Variants in TULP4 observed in about 807,000 individuals in gnomAD.
TULP4 encodes the protein TUB like protein 4.
TULP4 carries 16 observed loss-of-function variants against 129.0 expected under a neutral mutation model. That is an observed-to-expected ratio of 0.12 (90% CI 0.08 to 0.19). The LOEUF (loss-of-function observed/expected upper bound fraction) is 0.19. Ranked by LOEUF, TULP4 falls within the 10% of genes least tolerant of loss-of-function variation. TULP4 has a pLI of 1.00. For missense variants in TULP4, 1,842 were observed against 2,059.1 expected (o/e 0.89, Z 2.04); for synonymous variants, 998 against 854.0 (o/e 1.17, Z -2.94).
At chr6:158,275,574 C>T (rs983771169) in intron 1 of TULP4, among the ~76,000 whole-genome samples, 12 of 152,204 alleles carry the variant, frequency 7.9e-5, no homozygotes, top group Admixed American at 2.0e-4. Context: ...CCCACGGCAG[C>T]GCTTTGTCAC....
intron 6 of TULP4, 62 bp downstream of exon 6, chr6:158,461,791 AATT>A: frequency 6.6e-7 from 1 of 1,513,538 alleles, no homozygotes; most frequent in Non-Finnish European, 8.9e-7. Flanking sequence ...AGGTTATTAT[AATT>A]ATTGTTGACA....
chr6:158,413,057 T>A lies in TULP4; in HGVS notation c.253-8T>A. On this transcript the variant is annotated splice_region_variant and splice_polypyrimidine_tract_variant and intron_variant, in intron 1 of 13. Transcript: ENST00000367097. The surrounding 1 kb of genome is among the most constrained non-coding windows in gnomAD (Gnocchi z 4.9). ...CCTGTGGTAAATGTCTTCTTGGTGG[T>A]TTTCTAGGTTGTGCTGGTGAGGTGG... 1 of 1,604,232 alleles carries A rather than the reference T, an allele frequency of 6.2e-7. No individual in the cohort carries two copies. The highest frequency in any genetic ancestry group is 8.5e-7 in the Non-Finnish European group (1 of 1,174,578).
chr6:158,452,045 C>T, intron 4 of TULP4, 89 bp from the exon 5 acceptor site: 2 of 1,563,488 alleles, frequency 1.3e-6, no homozygotes, highest in Non-Finnish European at 1.7e-6. Context: ...CAGGCAATTT[C>T]TAAGGCACCA....
rs1412412780 is a variant in TULP4 at position 158,491,929 on chromosome 6, GC to G, written c.1632-1643del. On this transcript the variant is annotated intron_variant, in intron 9 of 13. Coordinates refer to ENST00000367097, the MANE Select transcript of TULP4 (RefSeq NM_020245.5). ...GCTGGAGTGCAGTGGCGTGATCTTG[GC>G]TCACTGCAACCTTCACCTCCTGGGT... Among the ~76,000 whole-genome samples, 449 of 151,956 alleles carry G rather than the reference GC, an allele frequency of 3.0e-3. 3 individuals carry two copies. Among genetic ancestry groups the G allele is most frequent in the African/African-American group, 1.0e-2 (414 of 41,416 alleles).
intron 2 of TULP4, among the ~76,000 whole-genome samples, chr6:158,425,410 G>A (rs888941155): frequency 6.6e-6 from 1 of 150,822 alleles, no homozygotes; most frequent in African/African-American, 2.4e-5. Flanking sequence ...CTACTCGGGA[G>A]GCTGCAGCCG....
intron 2 of TULP4, among the ~76,000 whole-genome samples, chr6:158,420,414 G>T (rs879938296): frequency 6.6e-6 from 1 of 152,154 alleles, no homozygotes; most frequent in Non-Finnish European, 1.5e-5. Flanking sequence ...TATAGACCAC[G>T]ATCTCTGAAC....
rs868802633 is a variant in TULP4, at chr6:158,236,807, T to C, written n.68+4504T>C. 5.5e-4 allele frequency among the ~76,000 whole-genome samples: 33 copies of C among 60,246 alleles called. 2 individuals are homozygous for C. Among genetic ancestry groups the C allele is most frequent in the African/African-American group, 1.0e-3 (20 of 19,654 alleles). The allele number at this position is 60,246 out of a possible 152,430, so 39.5% of individuals were successfully genotyped here. Reference sequence around the variant, plus strand: ...GCCCAATTCTTTTCTTTTTTTTTTTTTTTTTTTTTTTTTTTTTTTTTTTTG... The same window carrying C: ...GCCCAATTCTTTTCTTTTTTTTTTTCTTTTTTTTTTTTTTTTTTTTTTTTG... On this transcript the variant is annotated intron_variant and non_coding_transcript_variant, in intron 1 of 1. Transcript: ENST00000620026.
rs1780632483 is a variant in TULP4, at chr6:158,507,476, T to A, written c.*782T>A. ...TGTCTACATTGAAAGCCTCCACTAGTTTCATCGTTTGTCAAAGTTCCGTAG... is the reference window on the plus strand; with the variant it reads ...TGTCTACATTGAAAGCCTCCACTAGATTCATCGTTTGTCAAAGTTCCGTAG... On this transcript the variant is annotated 3_prime_UTR_variant, in exon 14 of 14. Coordinates refer to ENST00000367097, the MANE Select transcript of TULP4 (RefSeq NM_020245.5). 1 of 152,220 alleles carries A rather than the reference T, an allele frequency of 6.6e-6. No homozygotes were observed. The highest frequency in any genetic ancestry group is 1.5e-5 in the Non-Finnish European group (1 of 68,048). 9.4% of individuals were successfully genotyped at this position (152,220 alleles called of 1,614,324 possible).
chr6:158,316,563 C>T (rs1779496942), intron 1 of TULP4, among the ~76,000 whole-genome samples: 1 of 152,164 alleles, frequency 6.6e-6, no homozygotes, highest in Admixed American at 6.5e-5. Context: ...CATTTCCCCC[C>T]CTCAACACAC....
intron 6 of TULP4, among the ~76,000 whole-genome samples, chr6:158,463,407 G>A (rs149664635): frequency 2.6e-5 from 4 of 151,900 alleles, no homozygotes; most frequent in African/African-American, 7.3e-5. Flanking sequence ...CGTAATAGAC[G>A]TATGCCTGGG....
At chr6:158,483,590 G>A (rs1475946530) in intron 8 of TULP4, among the ~76,000 whole-genome samples, 2 of 152,158 alleles carry the variant, frequency 1.3e-5, no homozygotes, top group Admixed American at 6.5e-5. Flanking sequence ...CTCCCAAAGT[G>A]CTAGGAACCA....
At chr6:158,281,491 C>G (rs900561318), upstream of TULP4, among the ~76,000 whole-genome samples, 1 of 152,112 alleles carries the variant, frequency 6.6e-6, no homozygotes, top group Non-Finnish European at 1.5e-5. Flanking sequence ...TGAGGCATTT[C>G]CATTCCGGTT....
chr6:158,293,581 A>G (rs1165447554), intron 1 of TULP4, among the ~76,000 whole-genome samples: 1 of 152,190 alleles, frequency 6.6e-6, no homozygotes, highest in Non-Finnish European at 1.5e-5. Flanking sequence ...GAGTCTGCTT[A>G]TGTGCTCAGT....
Position 158,503,362 on chromosome 6 carries a change from C to T in TULP4, c.3699C>T (p.Pro1233=). Reference sequence around the variant, plus strand: ...TGGTCCTTCAGCCGCTGTACCCACCCAGCCTCTCCTATTGCACCCTGCCCC... The same window carrying T: ...TGGTCCTTCAGCCGCTGTACCCACCTAGCCTCTCCTATTGCACCCTGCCCC... ...PAVVLQPLYP[P]SLSYCTLPPM... Residue 1233 remains proline (P), a synonymous_variant, in exon 13 of 14, where the codon CCC becomes CCT. Transcript: ENST00000367097. This position sits in a 1 kb window ranked among gnomAD's most constrained non-coding sequence, Gnocchi z 4.3. 1 of 1,613,888 alleles carries T rather than the reference C, an allele frequency of 6.2e-7. No homozygotes were observed. Among genetic ancestry groups the T allele is most frequent in the Non-Finnish European group, 8.5e-7 (1 of 1,180,022 alleles).
intron 1 of TULP4, among the ~76,000 whole-genome samples, chr6:158,374,249 C>T (rs867566775): frequency 5.3e-5 from 8 of 150,802 alleles, no homozygotes; most frequent in Non-Finnish European, 7.4e-5. Context: ...ATTGCGCCAC[C>T]GCATTCCAGC....
At chr6:158,256,733 G>C (rs957455902) in intron 1 of TULP4, among the ~76,000 whole-genome samples, 2 of 152,200 alleles carry the variant, frequency 1.3e-5, no homozygotes, top group Non-Finnish European at 2.9e-5. Flanking sequence ...AAAAGCTACA[G>C]TATTCTTGTA....
Position 158,477,653 on chromosome 6 carries a change from T to C in TULP4, c.1027-2098T>C, listed in dbSNP as rs113741679. On this transcript the variant is annotated intron_variant, in intron 6 of 13. Transcript: ENST00000367097. ...GGTTGCAGAGAAAAGGAAACGCTTCTACACTGCTAGTGGGAGTGTAAATTA... is the reference window on the plus strand; with the variant it reads ...GGTTGCAGAGAAAAGGAAACGCTTCCACACTGCTAGTGGGAGTGTAAATTA... 5.2e-3 allele frequency among the ~76,000 whole-genome samples: 797 copies of C among 152,358 alleles called. 11 individuals are homozygous for C. The highest frequency in any genetic ancestry group is 0.018 in the African/African-American group (760 of 41,596).
rs575291757 is a variant in TULP4 at position 158,336,567 on chromosome 6, T to A, written c.252+22299T>A. ...TTAGAAAAAGACTCAGAAAAAAGAA[T>A]ACTATTGGTAAGAAAATCAACATGT... On this transcript the variant is annotated intron_variant, in intron 1 of 13. Transcript: ENST00000367097. Among the ~76,000 whole-genome samples, 16 of 152,320 alleles carry A rather than the reference T, an allele frequency of 1.1e-4. No homozygotes were observed. The East Asian group carries it at 2.9e-3, about 28-fold the overall frequency.
At chr6:158,376,030 A>G (rs1209551190) in intron 1 of TULP4, among the ~76,000 whole-genome samples, 1 of 152,180 alleles carries the variant, frequency 6.6e-6, no homozygotes, top group African/African-American at 2.4e-5. Flanking sequence ...TGAAGGCCGG[A>G]AACTGTGGAC....
Sources: allele counts gnomAD v4.1 joint callset (sites outside exome capture counted in the v4.1 genomes callset), GRCh38; gene constraint gnomAD v4.1.1; non-coding constraint Gnocchi (gnomAD v3.1); transcripts MANE v1.5; gene names NCBI Gene and HGNC (gene_info 2026-07-23, HGNC 2026-07-21).